The following UTS2B variants were observed in gnomAD, a reference collection of about 807,000 sequenced individuals.
The protein encoded by UTS2B is urotensin-2B.
A neutral mutation model predicts 19.2 loss-of-function variants in UTS2B; 21 were observed. That is an observed-to-expected ratio of 1.09 (90% CI 0.78 to 1.58). UTS2B has a LOEUF of 1.58. Ranked by LOEUF, UTS2B falls within the 40% of genes most tolerant of loss-of-function variation. The probability of loss-of-function intolerance (pLI) is 0.00; values close to 1 mark genes in which losing one functional copy is unlikely to be tolerated. For synonymous variants in UTS2B, 57 were observed against 50.2 expected (o/e 1.14, Z -0.58); for missense variants, 138 against 130.3 (o/e 1.06, Z -0.29).
intron 2 of UTS2B, among the ~76,000 whole-genome samples, chr3:191,317,315 G>A (rs563222264): frequency 3.3e-5 from 5 of 152,324 alleles, no homozygotes; most frequent in Middle Eastern, 3.4e-3. Context: ...TCCCAAGCCT[G>A]TACCCACCTG....
intron 4 of UTS2B, among the ~76,000 whole-genome samples, chr3:191,293,587 T>G (rs1316837195): frequency 6.6e-6 from 1 of 152,018 alleles, no homozygotes; most frequent in Non-Finnish European, 1.5e-5. Context: ...ATCCCCAAAC[T>G]TGAAATTTGA....
intron 8 of UTS2B, among the ~76,000 whole-genome samples, chr3:191,269,081 G>A (rs1429576301): frequency 6.6e-6 from 1 of 152,104 alleles, no homozygotes; most frequent in East Asian, 1.9e-4. Flanking sequence ...TCTTCTGTAG[G>A]TTGTTACCAA....
intron 2 of UTS2B, among the ~76,000 whole-genome samples, chr3:191,319,137 C>T (rs1420527390): frequency 6.6e-6 from 1 of 152,084 alleles, no homozygotes; most frequent in Non-Finnish European, 1.5e-5. Context: ...CTTGCATTAG[C>T]TCCTTGTACT....
At chr3:191,326,763 C>T (rs114833726) in intron 2 of UTS2B, among the ~76,000 whole-genome samples, 23 of 152,342 alleles carry the variant, frequency 1.5e-4, no homozygotes, top group African/African-American at 5.3e-4. Flanking sequence ...AGCTCTTCCC[C>T]GTGTTACTGT....
chr3:191,295,988 G>A (rs1159789886), intron 4 of UTS2B, among the ~76,000 whole-genome samples: 5 of 152,044 alleles, frequency 3.3e-5, no homozygotes, highest in African/African-American at 9.7e-5. Context: ...TAATCTTTTG[G>A]AAATGTAATT....
At chr3:191,284,767 C>A (rs923703241) in intron 4 of UTS2B, among the ~76,000 whole-genome samples, 1 of 151,580 alleles carries the variant, frequency 6.6e-6, no homozygotes, top group African/African-American at 2.4e-5. Flanking sequence ...TTTAAGAAAT[C>A]TGATATAATT....
intron 2 of UTS2B, among the ~76,000 whole-genome samples, chr3:191,317,251 C>G (rs1055247042): frequency 2.0e-5 from 3 of 152,208 alleles, no homozygotes; most frequent in African/African-American, 7.2e-5. Flanking sequence ...GTGCTAAGCC[C>G]CTCACTGCCT....
chr3:191,320,448 G>C (rs1717584063), intron 2 of UTS2B, among the ~76,000 whole-genome samples: 1 of 152,224 alleles, frequency 6.6e-6, no homozygotes, highest in Non-Finnish European at 1.5e-5. Context: ...AAGCACTTTA[G>C]ACTGAATTCT....
intron 8 of UTS2B, among the ~76,000 whole-genome samples, chr3:191,273,003 T>TA (rs982378510): frequency 1.7e-4 from 26 of 151,084 alleles, no homozygotes; most frequent in Middle Eastern, 3.4e-3. Context: ...CCATCTCTAC[T>TA]AAAAATACAA....
At chr3:191,278,579 C>T (rs990577056) in intron 5 of UTS2B, among the ~76,000 whole-genome samples, 1 of 151,924 alleles carries the variant, frequency 6.6e-6, no homozygotes, top group Non-Finnish European at 1.5e-5. Flanking sequence ...CTGATATACA[C>T]ATTTATATAC....
chr3:191,336,899 A>G, the UTS2B span, among the ~76,000 whole-genome samples: 1 of 152,234 alleles, frequency 6.6e-6, no homozygotes, highest in South Asian at 2.1e-4. Flanking sequence ...GGACCTGCAA[A>G]CTACTGCCAC....
At chr3:191,315,016 T>A (rs1363462449) in intron 3 of UTS2B, among the ~76,000 whole-genome samples, 1 of 151,188 alleles carries the variant, frequency 6.6e-6, no homozygotes, top group South Asian at 2.1e-4. Context: ...CCCTAGAATT[T>A]TTTTTTTTTT....
At position 191,325,755 on chromosome 3, in the gene UTS2B, A is replaced by G. The variant is rs1324679751; in HGVS notation, c.-586+2876T>C. Among the ~76,000 whole-genome samples the G allele has an allele frequency of 5.3e-5, 8 of 152,348 alleles. No individual in the cohort carries two copies. The East Asian group carries it at 1.5e-3, about 29-fold the overall frequency. ...CAGTAATTCAGAGGGACTGCACTGC[A>G]GACAGGGTCTTTAAGGAAGACATTT... is the stretch of plus-strand genomic sequence containing the variant. On this transcript the variant is annotated intron_variant, in intron 2 of 8. Coordinates refer to ENST00000340524, the MANE Select transcript of UTS2B (RefSeq NM_198152.5).
At chr3:191,329,588 G>A in intron 1 of UTS2B, 1 of 1,418,944 alleles carries the variant, frequency 7.0e-7, no homozygotes, top group South Asian at 1.3e-5. Flanking sequence ...GCCGCGTCCG[G>A]CGCTGCTGCT....
chr3:191,315,618 T>C (rs1386533543), intron 3 of UTS2B, among the ~76,000 whole-genome samples: 1 of 152,218 alleles, frequency 6.6e-6, no homozygotes, highest in Non-Finnish European at 1.5e-5. Context: ...TATTGTGGTG[T>C]GAGGGCGGAG....
At chr3:191,304,386 C>G (rs1717083655) in intron 4 of UTS2B, 106 bp downstream of exon 4, 2 of 152,222 alleles carry the variant, frequency 1.3e-5, no homozygotes, top group African/African-American at 4.8e-5. Context: ...TCACCATCAT[C>G]CCAGTTCGCT....
At chr3:191,276,661 C>T in intron 7 of UTS2B, 146 bp downstream of exon 7, 2 of 622,736 alleles carry the variant, frequency 3.2e-6, no homozygotes, top group African/African-American at 1.9e-5. Flanking sequence ...TTTTCTTTTT[C>T]TACAAAACAG....
chr3:191,301,219 T>G (rs565805880), intron 4 of UTS2B, among the ~76,000 whole-genome samples: 1 of 152,142 alleles, frequency 6.6e-6, no homozygotes, highest in African/African-American at 2.4e-5. Flanking sequence ...AAAAGAAAAT[T>G]TGTCTCATTC....
intron 4 of UTS2B, among the ~76,000 whole-genome samples, chr3:191,299,183 T>A (rs557340031): frequency 6.6e-6 from 1 of 152,236 alleles, no homozygotes; most frequent in Admixed American, 6.5e-5. Flanking sequence ...GAAAACTCCA[T>A]TTTCTGGGTA....
Sources: allele counts gnomAD v4.1 joint callset (sites outside exome capture counted in the v4.1 genomes callset), GRCh38; gene constraint gnomAD v4.1.1; transcripts MANE v1.5; gene names NCBI Gene and HGNC (gene_info 2026-07-23, HGNC 2026-07-21).